Variants in DLG2 observed in about 807,000 individuals in gnomAD.
DLG2 encodes the protein discs large MAGUK scaffold protein 2.
In DLG2, 45 loss-of-function variants were observed where a neutral mutation model predicts 132.5. That is an observed-to-expected ratio of 0.34 (90% CI 0.27 to 0.44). The LOEUF (loss-of-function observed/expected upper bound fraction) is 0.44. Ranked by LOEUF, DLG2 falls within the 20% of genes least tolerant of loss-of-function variation. The probability of loss-of-function intolerance (pLI) is 1.00; values close to 1 mark genes in which losing one functional copy is unlikely to be tolerated. For synonymous variants in DLG2, 424 were observed against 419.6 expected, an observed-to-expected ratio of 1.01 and a Z score of -0.13; for missense variants, 1,045 against 1,196.9, an observed-to-expected ratio of 0.87 and a Z score of 1.87.
At chr11:85,498,292 A>C (rs1331944351) in intron 3 of DLG2, among the ~76,000 whole-genome samples, 1 of 152,232 alleles carries the variant, frequency 6.6e-6, no homozygotes, top group Non-Finnish European at 1.5e-5. Flanking sequence ...AGTCTCTGAT[A>C]AAACAGACTT....
intron 15 of DLG2, among the ~76,000 whole-genome samples, chr11:83,918,919 C>T (rs1257738845): frequency 2.6e-5 from 4 of 152,280 alleles, no homozygotes; most frequent in Middle Eastern, 3.4e-3. Context: ...TCTTAGAAGT[C>T]TAGCGTCAAC....
intron 7 of DLG2, among the ~76,000 whole-genome samples, chr11:84,366,680 G>C (rs2098684799): frequency 1.3e-5 from 2 of 152,066 alleles, no homozygotes; most frequent in South Asian, 2.1e-4. Context: ...TGATAAAACA[G>C]ACTTTAAACC....
chr11:83,499,922 C>G (rs2094383074), intron 21 of DLG2, among the ~76,000 whole-genome samples: 1 of 135,446 alleles, frequency 7.4e-6, no homozygotes, highest in Non-Finnish European at 1.6e-5. Context: ...CCAGAGAACT[C>G]TGACTAATAC....
At chr11:84,098,829 C>T (rs749636504) in intron 10 of DLG2, 94 bp downstream of exon 10, 2 of 1,442,296 alleles carry the variant, frequency 1.4e-6, no homozygotes, top group African/African-American at 1.4e-5. Flanking sequence ...AAGTACAGAA[C>T]TTTTGTAGAA....
At chr11:83,786,200 A>G (rs914473386) in intron 18 of DLG2, among the ~76,000 whole-genome samples, 1 of 152,158 alleles carries the variant, frequency 6.6e-6, no homozygotes, top group African/African-American at 2.4e-5. Flanking sequence ...GTTTACAGTG[A>G]TTTATTTCAA....
chr11:84,178,504 G>A (rs893418434), intron 8 of DLG2, among the ~76,000 whole-genome samples: 3 of 152,114 alleles, frequency 2.0e-5, no homozygotes, highest in African/African-American at 7.2e-5. Flanking sequence ...TTGCACACAT[G>A]CACAGGAGAT....
chr11:83,953,919 T>C (rs910175139), intron 14 of DLG2, among the ~76,000 whole-genome samples: 5 of 152,204 alleles, frequency 3.3e-5, no homozygotes, highest in Admixed American at 6.5e-5. Flanking sequence ...AATCCTTTTT[T>C]GCATCAATGA....
At chr11:84,630,733 A>T (rs1246851056) in intron 6 of DLG2, among the ~76,000 whole-genome samples, 1 of 152,110 alleles carries the variant, frequency 6.6e-6, no homozygotes, top group African/African-American at 2.4e-5. Flanking sequence ...TCACCTCAAT[A>T]TTATTCTGAT....
intron 7 of DLG2, among the ~76,000 whole-genome samples, chr11:84,377,319 C>A (rs2098733290): frequency 6.6e-6 from 1 of 151,780 alleles, no homozygotes; most frequent in African/African-American, 2.4e-5. Flanking sequence ...AGGACCTATT[C>A]TAGATTAAAG....
intron 6 of DLG2, among the ~76,000 whole-genome samples, chr11:85,025,595 T>C (rs988368223): frequency 2.6e-5 from 4 of 152,202 alleles, no homozygotes; most frequent in Admixed American, 2.0e-4. Context: ...CATCCCAATT[T>C]AATATATACA....
At chr11:85,219,630 G>A (rs1294378461) in intron 4 of DLG2, among the ~76,000 whole-genome samples, 1 of 150,852 alleles carries the variant, frequency 6.6e-6, no homozygotes, top group African/African-American at 2.4e-5. Context: ...CTCTGACACT[G>A]TTATCAGGTG....
intron 18 of DLG2, among the ~76,000 whole-genome samples, chr11:83,694,162 G>C (rs1011907835): frequency 2.6e-5 from 4 of 152,092 alleles, no homozygotes; most frequent in African/African-American, 9.7e-5. Flanking sequence ...AACAGAGCTG[G>C]GACTCTAACT....
At chr11:85,166,996 G>C (rs2078500256) in intron 4 of DLG2, among the ~76,000 whole-genome samples, 1 of 151,956 alleles carries the variant, frequency 6.6e-6, no homozygotes, top group Non-Finnish European at 1.5e-5. Context: ...TTAACTGTTT[G>C]GTAGATTACT....
chr11:84,903,612 A>T (rs2091168518), intron 6 of DLG2, among the ~76,000 whole-genome samples: 1 of 152,204 alleles, frequency 6.6e-6, no homozygotes, highest in Admixed American at 6.6e-5. Flanking sequence ...CATTTCATAG[A>T]TGTTTCAAAA....
intron 17 of DLG2, among the ~76,000 whole-genome samples, chr11:83,798,313 C>G (rs972150897): frequency 2.0e-5 from 3 of 152,060 alleles, no homozygotes; most frequent in African/African-American, 4.8e-5. Context: ...TTTTGTTAGG[C>G]TGTTATCAGG....
At chr11:83,498,718 AAC>A (rs1324225991) in intron 21 of DLG2, among the ~76,000 whole-genome samples, 1 of 151,668 alleles carries the variant, frequency 6.6e-6, no homozygotes, top group Non-Finnish European at 1.5e-5. Context: ...AAATTAATGA[AAC>A]AGAGAATTTT....
chr11:84,567,652 G>A (rs2099462457), intron 6 of DLG2, among the ~76,000 whole-genome samples: 1 of 152,182 alleles, frequency 6.6e-6, no homozygotes, highest in Admixed American at 6.5e-5. Context: ...GAAAGTAGCG[G>A]CTGTTACTTA....
chr11:83,946,587 G>C (rs566117295), intron 14 of DLG2, among the ~76,000 whole-genome samples: 1 of 151,588 alleles, frequency 6.6e-6, no homozygotes, highest in Non-Finnish European at 1.5e-5. Flanking sequence ...TAACTCTTTC[G>C]GTACTATAGA....
chr11:84,549,576 G>A (rs548397047), intron 6 of DLG2, among the ~76,000 whole-genome samples: 5 of 152,282 alleles, frequency 3.3e-5, no homozygotes, highest in Admixed American at 2.6e-4. Flanking sequence ...CCAGCAGTGC[G>A]ACTTTAGGGA....
Sources: gnomAD v4.1 joint callset for allele counts (sites outside exome capture counted in the v4.1 genomes callset) on GRCh38, gnomAD v4.1.1 for gene constraint, MANE v1.5 for transcripts, NCBI Gene and HGNC (gene_info 2026-07-23, HGNC 2026-07-21) for gene names.